Variants in PDE8B observed in about 807,000 individuals in gnomAD.
PDE8B encodes the protein high affinity cAMP-specific and IBMX-insensitive 3',5'-cyclic phosphodiesterase 8B.
Under a neutral mutation model 101.3 loss-of-function variants are expected in PDE8B, and 26 were observed. The ratio of observed to expected loss-of-function variants is 0.26; its 90% CI spans 0.19 to 0.36. PDE8B has a LOEUF of 0.36. PDE8B is among the 10% of genes least tolerant of loss of function. The probability of loss-of-function intolerance (pLI) is 1.00; values close to 1 mark genes in which losing one functional copy is unlikely to be tolerated. For missense variants in PDE8B, 810 were observed against 1,163.1 expected (o/e 0.70, Z 4.42); for synonymous variants, 424 against 429.3 (o/e 0.99, Z 0.15).
intron 10 of PDE8B, among the ~76,000 whole-genome samples, chr5:77,355,916 G>A (rs549468997): frequency 6.6e-6 from 1 of 152,334 alleles, no homozygotes; most frequent in African/African-American, 2.4e-5. Flanking sequence ...AATATGGCCT[G>A]TTCTGTAAAT....
At chr5:77,356,692 A>C (rs1782166056) in intron 10 of PDE8B, among the ~76,000 whole-genome samples, 1 of 152,186 alleles carries the variant, frequency 6.6e-6, no homozygotes, top group Middle Eastern at 3.2e-3. Context: ...AGCCTCCCGA[A>C]GTGCTGGGAT....
intron 10 of PDE8B, among the ~76,000 whole-genome samples, chr5:77,395,637 C>T (rs984366914): frequency 6.6e-6 from 1 of 152,154 alleles, no homozygotes; most frequent in Admixed American, 6.5e-5. Context: ...CTGTAAGACC[C>T]ATGAGGGGAA....
At chr5:77,335,064 T>G (rs548883881) in intron 5 of PDE8B, among the ~76,000 whole-genome samples, 23 of 152,356 alleles carry the variant, frequency 1.5e-4, no homozygotes, top group African/African-American at 5.5e-4. Context: ...AACTAATCCA[T>G]GTTTGTTATA....
At chr5:77,182,087 T>C in the PDE8B span, among the ~76,000 whole-genome samples, 6 of 152,138 alleles carry the variant, frequency 3.9e-5, no homozygotes, top group East Asian at 1.2e-3. Flanking sequence ...GTGGTACCAC[T>C]GACCAGTTGT....
chr5:77,299,752 C>T (rs988221643), intron 1 of PDE8B, among the ~76,000 whole-genome samples: 3 of 152,080 alleles, frequency 2.0e-5, no homozygotes, highest in Admixed American at 6.5e-5. Context: ...TGTGTCTTTA[C>T]AGCAGCATGA....
chr5:77,365,605 A>G (rs895495232), intron 10 of PDE8B, among the ~76,000 whole-genome samples: 1 of 152,208 alleles, frequency 6.6e-6, no homozygotes, highest in Non-Finnish European at 1.5e-5. Flanking sequence ...GGCAGAGAGA[A>G]GCCATGGTGT....
chr5:77,405,261 T>G (rs1163315456), intron 12 of PDE8B, among the ~76,000 whole-genome samples: 1 of 152,258 alleles, frequency 6.6e-6, no homozygotes, highest in African/African-American at 2.4e-5. Flanking sequence ...AGGCAGGATT[T>G]AGCAAAACAT....
the PDE8B span, among the ~76,000 whole-genome samples, chr5:77,174,202 C>T: frequency 1.3e-5 from 2 of 152,158 alleles, no homozygotes; most frequent in Admixed American, 6.5e-5. Context: ...TTTCTTCTTA[C>T]CTATTAGGTA....
the PDE8B span, among the ~76,000 whole-genome samples, chr5:77,150,814 C>T: frequency 6.6e-6 from 1 of 152,236 alleles, no homozygotes; most frequent in East Asian, 1.9e-4. Flanking sequence ...GAGAACTACC[C>T]TTATTTTTCA....
chr5:77,422,358 G>A (rs147033255), intron 20 of PDE8B, among the ~76,000 whole-genome samples: 42 of 152,258 alleles, frequency 2.8e-4, no homozygotes, highest in South Asian at 6.2e-4. Flanking sequence ...AAGACATCGC[G>A]GCCACGGGGA....
chr5:77,404,406 G>T (rs1792975302), intron 11 of PDE8B, among the ~76,000 whole-genome samples: 1 of 152,192 alleles, frequency 6.6e-6, no homozygotes, highest in African/African-American at 2.4e-5. Context: ...GGGATTACAG[G>T]TGTGAGGCCC....
intron 1 of PDE8B, among the ~76,000 whole-genome samples, chr5:77,269,701 A>G (rs796695249): frequency 9.2e-5 from 14 of 152,296 alleles, no homozygotes; most frequent in African/African-American, 3.4e-4. Flanking sequence ...ATGGATATCC[A>G]GTTTTCCTAG....
chr5:77,136,098 C>A, the PDE8B span, among the ~76,000 whole-genome samples: 1 of 152,150 alleles, frequency 6.6e-6, no homozygotes, highest in Non-Finnish European at 1.5e-5. Context: ...TTTAAAACTT[C>A]AGCTTTCTTA....
intron 1 of PDE8B, among the ~76,000 whole-genome samples, chr5:77,215,741 C>T (rs1437205450): frequency 6.6e-6 from 1 of 152,036 alleles, no homozygotes; most frequent in Non-Finnish European, 1.5e-5. Context: ...GGCCAGTAAT[C>T]AAAATAATAA....
intron 10 of PDE8B, among the ~76,000 whole-genome samples, chr5:77,398,239 CTA>C (rs1035580344): frequency 3.4e-5 from 5 of 148,946 alleles, no homozygotes; most frequent in African/African-American, 1.2e-4. Flanking sequence ...TCAGTTTTAA[CTA>C]AGTTTACTTT....
chr5:77,332,432 T>C (rs1777314810), intron 5 of PDE8B, among the ~76,000 whole-genome samples: 1 of 152,198 alleles, frequency 6.6e-6, no homozygotes, highest in Admixed American at 6.5e-5. Flanking sequence ...ATAAACATCA[T>C]GAATAACACT....
chr5:77,155,186 ATG>A, the PDE8B span, among the ~76,000 whole-genome samples: 1 of 152,116 alleles, frequency 6.6e-6, no homozygotes. Flanking sequence ...GTGCCCACAC[ATG>A]TTCACCCATG....
chr5:77,229,170 A>G (rs1753039670), intron 1 of PDE8B, among the ~76,000 whole-genome samples: 1 of 152,254 alleles, frequency 6.6e-6, no homozygotes, highest in African/African-American at 2.4e-5. Flanking sequence ...CAATTTAATC[A>G]ATGTAACTGT....
At chr5:77,288,839 C>CTGTTTTTT (rs1766622195) in intron 1 of PDE8B, among the ~76,000 whole-genome samples, 1 of 128,350 alleles carries the variant, frequency 7.8e-6, no homozygotes, top group African/African-American at 2.9e-5. Flanking sequence ...CTGCCCCCAT[C>CTGTTTTTT]TTTTTTTTTT....
Sources: gnomAD v4.1 joint callset for allele counts (sites outside exome capture counted in the v4.1 genomes callset) on GRCh38, gnomAD v4.1.1 for gene constraint, MANE v1.5 for transcripts, NCBI Gene and HGNC (gene_info 2026-07-23, HGNC 2026-07-21) for gene names.